ATG7: variants seen among roughly 807,000 people sequenced by gnomAD.
The protein encoded by ATG7 is ubiquitin-like modifier-activating enzyme ATG7.
A neutral mutation model predicts 82.4 loss-of-function variants in ATG7; 70 were observed. The observed-to-expected ratio is 0.85, with a 90% CI of 0.70 to 1.04. The LOEUF (loss-of-function observed/expected upper bound fraction) is 1.04, where lower values mean the gene tolerates loss of function less well. ATG7 is among the 50% of genes least tolerant of loss of function. The pLI, the probability that ATG7 is intolerant of heterozygous loss-of-function variation, is 0.00. For synonymous variants in ATG7, 287 were observed against 313.0 expected (o/e 0.92, Z 0.88); for missense variants, 792 against 864.3 (o/e 0.92, Z 1.05).
At chr3:11,523,920 A>G (rs1372751358) in intron 20 of ATG7, among the ~76,000 whole-genome samples, 1 of 152,084 alleles carries the variant, frequency 6.6e-6, no homozygotes, top group African/African-American at 2.4e-5. Flanking sequence ...TAACTGCAAC[A>G]CTTCATGGTC....
At chr3:11,467,491 C>T (rs6781726) in intron 20 of ATG7, among the ~76,000 whole-genome samples, 76,873 of 151,972 alleles carry the variant, frequency 0.51, 20,289 homozygotes, top group East Asian at 0.67. Flanking sequence ...ATTCTTCTGC[C>T]TCAGCCTCCC....
intron 1 of ATG7, among the ~76,000 whole-genome samples, chr3:11,277,847 T>G (rs745876398): frequency 2.1e-5 from 3 of 139,988 alleles, no homozygotes; most frequent in African/African-American, 8.1e-5. Flanking sequence ...TCAGTCCTTA[T>G]CTCAACTGCG....
chr3:11,570,019 A>G, the ATG7 span, among the ~76,000 whole-genome samples: 2 of 152,194 alleles, frequency 1.3e-5, no homozygotes, highest in South Asian at 4.1e-4. Context: ...AGCTTTTTAA[A>G]TAATAAAATT....
At chr3:11,570,604 G>T in the ATG7 span, among the ~76,000 whole-genome samples, 1 of 152,350 alleles carries the variant, frequency 6.6e-6, no homozygotes, top group South Asian at 2.1e-4. Flanking sequence ...CATAGTATGT[G>T]TGAGTCCAGT....
chr3:11,564,945 G>A, the ATG7 span: 9 of 1,575,650 alleles, frequency 5.7e-6, no homozygotes, highest in Non-Finnish European at 6.0e-6. Flanking sequence ...CATGGTGGGG[G>A]CCACAGCGCG....
intron 1 of ATG7, among the ~76,000 whole-genome samples, chr3:11,272,967 A>G (rs1462164240): frequency 6.6e-6 from 1 of 152,260 alleles, no homozygotes; most frequent in Non-Finnish European, 1.5e-5. Flanking sequence ...CAATCCGGTA[A>G]GGTAAATATA....
At chr3:11,552,285 T>A (rs902236661) in intron 20 of ATG7, among the ~76,000 whole-genome samples, 1 of 152,364 alleles carries the variant, frequency 6.6e-6, no homozygotes, top group South Asian at 2.1e-4. Context: ...CCAAATCTTT[T>A]AAAAAATATG....
chr3:11,570,429 T>G, the ATG7 span, among the ~76,000 whole-genome samples: 2 of 152,194 alleles, frequency 1.3e-5, no homozygotes, highest in Non-Finnish European at 2.9e-5. Context: ...TCAGTAAGCT[T>G]CTGAAGCACA....
intron 20 of ATG7, among the ~76,000 whole-genome samples, chr3:11,485,336 C>T (rs1435957262): frequency 2.0e-5 from 3 of 152,154 alleles, no homozygotes; most frequent in Non-Finnish European, 2.9e-5. Context: ...GCATAAATGT[C>T]GTCTTTTGAG....
At chr3:11,431,408 AAC>A (rs150696348) in intron 20 of ATG7, among the ~76,000 whole-genome samples, 1 of 152,158 alleles carries the variant, frequency 6.6e-6, no homozygotes, top group African/African-American at 2.4e-5. Flanking sequence ...AACCACACAC[AAC>A]ACACACACAC....
chr3:11,370,197 A>T (rs1028088450), intron 18 of ATG7, among the ~76,000 whole-genome samples: 4 of 151,194 alleles, frequency 2.6e-5, no homozygotes, highest in Non-Finnish European at 4.4e-5. Context: ...CCTAAAAAGG[A>T]ATTTATAAAG....
intron 18 of ATG7, among the ~76,000 whole-genome samples, chr3:11,374,264 A>G (rs912572755): frequency 1.3e-5 from 2 of 152,238 alleles, no homozygotes; most frequent in African/African-American, 4.8e-5. Context: ...ATAGAAATAT[A>G]GATCAATGGA....
intron 20 of ATG7, among the ~76,000 whole-genome samples, chr3:11,498,962 C>T (rs981898131): frequency 6.6e-6 from 1 of 152,156 alleles, no homozygotes; most frequent in African/African-American, 2.4e-5. Flanking sequence ...AACAAGTTCT[C>T]AAACCTGCTT....
chr3:11,494,901 G>T (rs149217737), intron 20 of ATG7, among the ~76,000 whole-genome samples: 1 of 152,152 alleles, frequency 6.6e-6, no homozygotes, highest in South Asian at 2.1e-4. Context: ...GTGAAACCCC[G>T]TCTGTACTAA....
At chr3:11,366,787 A>G (rs988636381) in intron 18 of ATG7, among the ~76,000 whole-genome samples, 1 of 152,046 alleles carries the variant, frequency 6.6e-6, no homozygotes, top group Non-Finnish European at 1.5e-5. Flanking sequence ...TTAAAGTACT[A>G]TGGCAACTAA....
intron 13 of ATG7, among the ~76,000 whole-genome samples, chr3:11,344,456 C>G (rs1303858736): frequency 6.6e-6 from 1 of 152,200 alleles, no homozygotes; most frequent in African/African-American, 2.4e-5. Context: ...TTATCAACTA[C>G]GTTTATCAAG....
intron 20 of ATG7, among the ~76,000 whole-genome samples, chr3:11,429,654 C>T (rs760204343): frequency 4.0e-5 from 6 of 151,574 alleles, no homozygotes; most frequent in East Asian, 3.9e-4. Context: ...AAAGGTATTA[C>T]GAAATACTCT....
intron 20 of ATG7, among the ~76,000 whole-genome samples, chr3:11,444,167 T>C (rs2442788): frequency 0.018 from 2,730 of 152,318 alleles, 65 homozygotes; most frequent in Admixed American, 0.07. Flanking sequence ...TTCGTTGCTA[T>C]GTAGTGTTTC....
chr3:11,293,596 C>T (rs1945327281), intron 3 of ATG7, among the ~76,000 whole-genome samples: 2 of 151,510 alleles, frequency 1.3e-5, no homozygotes, highest in South Asian at 4.2e-4. Context: ...ATCTGTAATC[C>T]CAGCACTTTG....
Sources: allele counts gnomAD v4.1 joint callset (sites outside exome capture counted in the v4.1 genomes callset), GRCh38; gene constraint gnomAD v4.1.1; transcripts MANE v1.5; gene names NCBI Gene and HGNC (gene_info 2026-07-23, HGNC 2026-07-21).